The following AJAP1 variants were observed in gnomAD, a reference collection of about 807,000 sequenced individuals.
AJAP1 encodes the protein adherens junction-associated protein 1.
AJAP1 carries 5 observed loss-of-function variants against 35.0 expected under a neutral mutation model. The observed-to-expected ratio is 0.14, with a 90% CI of 0.07 to 0.30. The LOEUF (loss-of-function observed/expected upper bound fraction) is 0.30. Ranked by LOEUF, AJAP1 falls within the 10% of genes least tolerant of loss-of-function variation. The pLI is 1.00. For missense variants in AJAP1, 586 were observed against 571.0 expected (o/e 1.03, Z -0.27); for synonymous variants, 284 against 249.3 (o/e 1.14, Z -1.31).
chr1:4,760,814 C>G (rs1281442804), intron 2 of AJAP1, among the ~76,000 whole-genome samples: 4 of 152,226 alleles, frequency 2.6e-5, no homozygotes, highest in African/African-American at 9.6e-5. Context: ...ATGGAGGGGG[C>G]CCGTGAGCAG....
chr1:4,661,965 C>T (rs963972299), intron 1 of AJAP1, among the ~76,000 whole-genome samples: 6 of 152,142 alleles, frequency 3.9e-5, no homozygotes, highest in Admixed American at 2.6e-4. Context: ...AAATTAAAAA[C>T]TGTGGAAATC....
intron 2 of AJAP1, among the ~76,000 whole-genome samples, chr1:4,739,410 C>G (rs1367637522): frequency 6.6e-6 from 1 of 152,224 alleles, no homozygotes; most frequent in African/African-American, 2.4e-5. Flanking sequence ...CCACTGTTGG[C>G]AATGCATTTG....
At chr1:4,670,892 A>G (rs1639234454) in intron 1 of AJAP1, among the ~76,000 whole-genome samples, 1 of 152,354 alleles carries the variant, frequency 6.6e-6, no homozygotes, top group African/African-American at 2.4e-5. Context: ...GCATGTAAAA[A>G]CAAAGTCTTC....
chr1:4,761,143 A>G (rs1249652545), intron 2 of AJAP1, among the ~76,000 whole-genome samples: 2 of 152,032 alleles, frequency 1.3e-5, no homozygotes, highest in Non-Finnish European at 2.9e-5. Context: ...CAGTGAATTC[A>G]TTTCCCAAGC....
intron 1 of AJAP1, among the ~76,000 whole-genome samples, chr1:4,657,900 A>AT (rs957737412): frequency 6.6e-6 from 1 of 151,992 alleles, no homozygotes; most frequent in Non-Finnish European, 1.5e-5. Context: ...GTGGCATTTA[A>AT]TAGTTGTAGC....
rs1259983607 is a variant in AJAP1 at position 4,780,478 on chromosome 1, A to AT, written c.*60-2061dup. 7.9e-5 allele frequency among the ~76,000 whole-genome samples: 12 copies of AT among 152,012 alleles called. No individual in the cohort carries two copies. The South Asian group carries it at 2.3e-3, about 29-fold the overall frequency. Reference sequence around the variant, plus strand: ...CTCTCTGTGTTGTAATAATTACTTCATTTTTTAAGCCCCTCTTCCCCAAAT... The same window carrying AT: ...CTCTCTGTGTTGTAATAATTACTTCATTTTTTTAAGCCCCTCTTCCCCAAAT... On this transcript the variant is annotated intron_variant, in intron 5 of 5. Coordinates refer to ENST00000378191, the MANE Select transcript of AJAP1 (RefSeq NM_018836.4).
chr1:4,779,919 C>T (rs958572299), intron 5 of AJAP1, among the ~76,000 whole-genome samples: 1 of 151,922 alleles, frequency 6.6e-6, no homozygotes, highest in Non-Finnish European at 1.5e-5. Context: ...CTGAGGCCGG[C>T]GGATCACCTG....
In AJAP1 at chr1:4,769,821, G is replaced by A. The variant is rs2072902; in HGVS notation, c.830-32G>A. On this transcript the variant is annotated intron_variant, in intron 2 of 5. Transcript: ENST00000378191. ...CCTCGCCTCCTGAACCTGGTTTCAC[G>A]GGTGCCCTCTTCCCTCTTTCCTTCT... is the stretch of plus-strand genomic sequence containing the variant. 7.4e-3 allele frequency: 11,741 copies of A among 1,588,638 alleles called. 683 individuals are homozygous for A. The South Asian group carries it at 0.1, about 14-fold the overall frequency.
intron 2 of AJAP1, among the ~76,000 whole-genome samples, chr1:4,759,113 G>A (rs1489489905): frequency 2.6e-5 from 4 of 152,168 alleles, no homozygotes; most frequent in African/African-American, 9.6e-5. Context: ...TTTTTGGCCT[G>A]CTGGCACACC....
intron 2 of AJAP1, among the ~76,000 whole-genome samples, chr1:4,765,772 C>T (rs1172282685): frequency 6.6e-6 from 1 of 152,094 alleles, no homozygotes; most frequent in Non-Finnish European, 1.5e-5. Flanking sequence ...ATCAAAAATC[C>T]TGTGTAATTG....
chr1:4,695,974 C>A (rs575013652), intron 1 of AJAP1, among the ~76,000 whole-genome samples: 2 of 152,232 alleles, frequency 1.3e-5, no homozygotes, highest in East Asian at 1.9e-4. Flanking sequence ...TTCATCAATA[C>A]CTCCATGGCC....
rs570003529 is a variant in AJAP1, at chr1:4,656,005, T to C, written c.29+551T>C. Reference sequence around the variant, plus strand: ...CCAGGCTCCCAGCTGCCGACCCAGCTGTTTGCGGGTGACCTCCGGGCCCGA... The same window carrying C: ...CCAGGCTCCCAGCTGCCGACCCAGCCGTTTGCGGGTGACCTCCGGGCCCGA... On this transcript the variant is annotated intron_variant, in intron 1 of 5. Coordinates refer to ENST00000378191, the MANE Select transcript of AJAP1 (RefSeq NM_018836.4). This position sits in a 1 kb window ranked among gnomAD's most constrained non-coding sequence, Gnocchi z 5.7. Among the ~76,000 whole-genome samples the C allele has an allele frequency of 3.8e-4, 58 of 152,082 alleles. No homozygotes were observed. The highest frequency in any genetic ancestry group is 1.2e-3 in the African/African-American group (50 of 41,516).
At chr1:4,727,887 G>A (rs993717706) in intron 2 of AJAP1, among the ~76,000 whole-genome samples, 1 of 152,230 alleles carries the variant, frequency 6.6e-6, no homozygotes, top group African/African-American at 2.4e-5. Context: ...GCCAATGCCT[G>A]GAAGAAGCTT....
chr1:4,759,457 G>GT (rs1465943365), intron 2 of AJAP1, among the ~76,000 whole-genome samples: 1 of 152,212 alleles, frequency 6.6e-6, no homozygotes, highest in Non-Finnish European at 1.5e-5. Context: ...TTTGCAGAAT[G>GT]TCTGCTCTGG....
intron 2 of AJAP1, among the ~76,000 whole-genome samples, chr1:4,729,368 T>C (rs1413618432): frequency 6.6e-6 from 1 of 152,178 alleles, no homozygotes; most frequent in Non-Finnish European, 1.5e-5. Context: ...CTGTGAGACT[T>C]GGAGCTGCTG....
At chr1:4,712,818 G>A (rs1466204399) in intron 2 of AJAP1, 119 bp downstream of exon 2, 1 of 1,086,018 alleles carries the variant, frequency 9.2e-7, no homozygotes, top group African/African-American at 1.6e-5. Flanking sequence ...AGGAGATGCA[G>A]GCGTGATGTG....
intron 1 of AJAP1, among the ~76,000 whole-genome samples, chr1:4,688,212 TTGG>T (rs1485200029): frequency 6.6e-6 from 1 of 151,708 alleles, no homozygotes; most frequent in Non-Finnish European, 1.5e-5. Flanking sequence ...ACTTCGGAGG[TTGG>T]TGGCATGTTG....
At chr1:4,778,461 CT>C (rs1440143731) in intron 5 of AJAP1, among the ~76,000 whole-genome samples, 1 of 152,216 alleles carries the variant, frequency 6.6e-6, no homozygotes, top group African/African-American at 2.4e-5. Context: ...TGAGAGCCTC[CT>C]CCTGGGCCAG....
At chr1:4,688,254 G>T (rs1302660650) in intron 1 of AJAP1, among the ~76,000 whole-genome samples, 3 of 152,148 alleles carry the variant, frequency 2.0e-5, no homozygotes, top group Non-Finnish European at 4.4e-5. Flanking sequence ...GGGGGGAGTG[G>T]GGACATGTAC....
Sources: gnomAD v4.1 joint callset for allele counts (sites outside exome capture counted in the v4.1 genomes callset) on GRCh38, gnomAD v4.1.1 for gene constraint, Gnocchi (gnomAD v3.1) non-coding constraint, MANE v1.5 for transcripts, NCBI Gene and HGNC (gene_info 2026-07-23, HGNC 2026-07-21) for gene names.